CD82: variants seen among roughly 807,000 people sequenced by gnomAD.
CD82 encodes the protein CD82 molecule, also known as CD82 antigen.
Under a neutral mutation model 37.4 loss-of-function variants are expected in CD82, and 36 were observed. The ratio of observed to expected loss-of-function variants is 0.96; its 90% CI spans 0.74 to 1.27. The LOEUF (loss-of-function observed/expected upper bound fraction) is 1.27. Among genes scored for constraint, CD82 ranks in the 50% most tolerant of loss-of-function variants. The pLI, the probability that CD82 is intolerant of heterozygous loss-of-function variation, is 0.00. For missense variants in CD82, 340 were observed against 347.0 expected, an observed-to-expected ratio of 0.98 and a Z score of 0.16; for synonymous variants, 158 against 137.4, an observed-to-expected ratio of 1.15 and a Z score of -1.05.
In CD82 at chr11:44,618,735, C is replaced by T. The variant is rs775258252; in HGVS notation, c.726+12C>T. Reference sequence around the variant, plus strand: ...TGGCCATCATCGAGGTCTGAGCCCCCTCCCCCATCCCTTCTCCATCCCAGG... The same window carrying T: ...TGGCCATCATCGAGGTCTGAGCCCCTTCCCCCATCCCTTCTCCATCCCAGG... On this transcript the variant is annotated intron_variant, in intron 9 of 9. Coordinates refer to ENST00000227155, the MANE Select transcript of CD82 (RefSeq NM_002231.4). 2.1e-5 allele frequency: 33 copies of T among 1,605,780 alleles called. No homozygotes were observed. The highest frequency in any genetic ancestry group is 5.0e-5 in the Admixed American group (3 of 59,876).
chr11:44,610,415 G>A (rs75315106), intron 6 of CD82, among the ~76,000 whole-genome samples: 1,982 of 152,314 alleles, frequency 0.013, 41 homozygotes, highest in African/African-American at 0.044. Context: ...CTTCCCCATC[G>A]CAGGGAGCAT....
chr11:44,618,860 T>C, intron 9 of CD82, 137 bp downstream of exon 9: 2 of 839,988 alleles, frequency 2.4e-6, no homozygotes, highest in Non-Finnish European at 3.8e-6. Context: ...GTCTGAGCAC[T>C]GTCTGGCTGT....
rs140375823 is a variant in CD82 at position 44,608,770 on chromosome 11, A to G, written c.336+3341A>G. On this transcript the variant is annotated intron_variant, in intron 6 of 9. Coordinates refer to ENST00000227155, the MANE Select transcript of CD82 (RefSeq NM_002231.4). ...GGGTGTCCCTAGGGAAATAGAAATGAGACTCACTGCAGGCTGCTGCCCCAG... is the reference window on the plus strand; with the variant it reads ...GGGTGTCCCTAGGGAAATAGAAATGGGACTCACTGCAGGCTGCTGCCCCAG... 2.7e-3 allele frequency among the ~76,000 whole-genome samples: 406 copies of G among 152,346 alleles called. 1 individual carries two copies. The highest frequency in any genetic ancestry group is 9.4e-3 in the African/African-American group (390 of 41,566).
chr11:44,594,188 C>T (rs1201230206), intron 2 of CD82, among the ~76,000 whole-genome samples: 2 of 152,176 alleles, frequency 1.3e-5, no homozygotes, highest in East Asian at 1.9e-4. Context: ...TTCCCCTTCT[C>T]GCCTTGGCAG....
chr11:44,585,122 C>T lies in CD82; in HGVS notation c.-102-2353C>T, dbSNP rs145504492. The stretch of plus-strand genomic sequence containing the variant: ...CTCCTCCTTCCTTAGGCAGCCCAGC[C>T]TGGTCCTACTTCTCCCCCAGCCCCT... On this transcript the variant is annotated intron_variant, in intron 1 of 9. Coordinates refer to ENST00000227155, the MANE Select transcript of CD82 (RefSeq NM_002231.4). 15 of 451,352 alleles carry T rather than the reference C, an allele frequency of 3.3e-5. 1 individual carries two copies. The Middle Eastern group carries it at 1.8e-3, about 53-fold the overall frequency. 28.0% of individuals were successfully genotyped at this position (451,352 alleles called of 1,614,324 possible). A position where few individuals can be genotyped will look rare whatever the true frequency, so the allele number is the denominator to read the frequency against.
intron 2 of CD82, among the ~76,000 whole-genome samples, chr11:44,588,614 G>A (rs1853095787): frequency 1.3e-5 from 2 of 152,178 alleles, no homozygotes; most frequent in African/African-American, 4.8e-5. Flanking sequence ...CAGCTAGGAG[G>A]CATTAGAACT....
At chr11:44,582,461 C>T (rs560284421) in intron 1 of CD82, among the ~76,000 whole-genome samples, 3 of 152,188 alleles carry the variant, frequency 2.0e-5, no homozygotes, top group African/African-American at 7.2e-5. Flanking sequence ...GGGTTTGGCA[C>T]GCTGATTCTG....
At chr11:44,609,855 GAA>G (rs796369523) in intron 6 of CD82, among the ~76,000 whole-genome samples, 11 of 152,278 alleles carry the variant, frequency 7.2e-5, no homozygotes, top group African/African-American at 2.4e-4. Flanking sequence ...AGGGATTATG[GAA>G]AGACACTTGG....
intron 1 of CD82, among the ~76,000 whole-genome samples, chr11:44,574,239 C>T (rs1207409889): frequency 3.3e-5 from 5 of 152,192 alleles, no homozygotes; most frequent in Non-Finnish European, 7.3e-5. Flanking sequence ...TTGTGAGAAG[C>T]TCTGTGGTCC....
chr11:44,568,966 C>T (rs921309721), intron 1 of CD82, among the ~76,000 whole-genome samples: 5 of 152,256 alleles, frequency 3.3e-5, no homozygotes, highest in Non-Finnish European at 5.9e-5. Flanking sequence ...ATACCCACTT[C>T]CTCTGCCCCA....
intron 1 of CD82, among the ~76,000 whole-genome samples, chr11:44,585,811 CTG>C (rs2134639724): frequency 6.6e-6 from 1 of 152,354 alleles, no homozygotes; most frequent in South Asian, 2.1e-4. Flanking sequence ...CCCAAGCTGC[CTG>C]TGCCACCTGC....
chr11:44,606,328 A>T (rs1037989937), intron 6 of CD82: 2 of 152,288 alleles, frequency 1.3e-5, no homozygotes, highest in African/African-American at 2.4e-5. Context: ...ACAAATTTTT[A>T]AAAATGCTAG....
At position 44,618,086 on chromosome 11, in the gene CD82, G is replaced by T. The variant is rs559653348; in HGVS notation, c.439-76G>T. ...ATATCTCAGTCTCTGTCCTGGGGAG[G>T]TCCTCCCTCTGCCAGGAGGGCAGCC... On this transcript the variant is annotated intron_variant, in intron 7 of 9. Coordinates refer to ENST00000227155, the MANE Select transcript of CD82 (RefSeq NM_002231.4). 10 of 1,334,106 alleles carry T rather than the reference G, an allele frequency of 7.5e-6. No individual in the cohort carries two copies. In the South Asian group the frequency reaches 1.0e-4, roughly 13 times the overall value. The allele number at this position is 1,334,106 out of a possible 1,614,324, so 82.6% of individuals were successfully genotyped here. A position where few individuals can be genotyped will look rare whatever the true frequency, so the allele number is the denominator to read the frequency against.
intron 1 of CD82, among the ~76,000 whole-genome samples, chr11:44,584,691 G>A (rs989870008): frequency 1.3e-5 from 2 of 151,962 alleles, no homozygotes; most frequent in African/African-American, 2.4e-5. Context: ...TGGTGGGTGG[G>A]GGTTAATATC....
In CD82 at chr11:44,618,697, G is replaced by A. The variant is rs755430626; in HGVS notation, c.700G>A (p.Val234Met). The change falls in exon 9 of 10, where the codon GTG becomes ATG. Residue 234 changes from valine to methionine, a missense_variant. Val to Met is a conservative substitution (Grantham distance 21). Coordinates refer to ENST00000227155, the MANE Select transcript of CD82 (RefSeq NM_002231.4). ...LQENLGIILGVGVGVAIIELL... is the reference protein window; with the variant it reads ...LQENLGIILGMGVGVAIIELL... ...GGAGAACCTGGGCATCATCCTCGGC[G>A]TGGGCGTGGGTGTGGCCATCATCGA... 27 of 1,613,332 alleles carry A rather than the reference G, an allele frequency of 1.7e-5. No individual in the cohort carries two copies. In the East Asian group the frequency reaches 1.8e-4, roughly 11 times the overall value.
At chr11:44,587,581 G>C in intron 2 of CD82, 25 bp downstream of exon 2, 1 of 456,264 alleles carries the variant, frequency 2.2e-6, no homozygotes, top group Non-Finnish European at 4.4e-6. Context: ...GAGAGGAGTG[G>C]TGGGTTGGAG....
intron 1 of CD82, chr11:44,566,437 C>T (rs1380283123): frequency 6.6e-6 from 1 of 152,276 alleles, no homozygotes; most frequent in Non-Finnish European, 1.5e-5. Context: ...GGGTCAAGCC[C>T]AGGGCCCCAG....
chr11:44,598,603 T>A (rs957417638), intron 3 of CD82, among the ~76,000 whole-genome samples: 1 of 151,832 alleles, frequency 6.6e-6, no homozygotes, highest in Non-Finnish European at 1.5e-5. Flanking sequence ...GCAGACGGGG[T>A]TTTGCCATGT....
At chr11:44,581,067 G>A (rs532133116) in intron 1 of CD82, among the ~76,000 whole-genome samples, 9 of 152,210 alleles carry the variant, frequency 5.9e-5, no homozygotes, top group Non-Finnish European at 1.3e-4. Flanking sequence ...TGGGATCAGT[G>A]TGCAAGCTGG....
Sources: gnomAD v4.1 joint callset for allele counts (sites outside exome capture counted in the v4.1 genomes callset) on GRCh38, gnomAD v4.1.1 for gene constraint, MANE v1.5 for transcripts, NCBI Gene and HGNC (gene_info 2026-07-23, HGNC 2026-07-21) for gene names.